The following IRF4 variants were observed in gnomAD, a reference collection of about 807,000 sequenced individuals.
IRF4 encodes the protein lymphocyte-specific interferon regulatory factor.
A neutral mutation model predicts 55.5 loss-of-function variants in IRF4; 13 were observed. The ratio of observed to expected loss-of-function variants is 0.23; its 90% CI spans 0.15 to 0.37. The LOEUF is 0.37. Among genes scored for constraint, IRF4 ranks in the 10% least tolerant of loss-of-function variants. The probability of loss-of-function intolerance (pLI) is 1.00; values close to 1 mark genes in which losing one functional copy is unlikely to be tolerated. For missense variants in IRF4, 397 were observed against 593.8 expected (o/e 0.67, Z 3.44); for synonymous variants, 249 against 240.7 (o/e 1.03, Z -0.32).
intron 7 of IRF4, 133 bp downstream of exon 7, chr6:401,910 G>T: frequency 1.4e-6 from 1 of 709,450 alleles, no homozygotes; most frequent in East Asian, 2.7e-5. Context: ...CTGGGCTTGG[G>T]GCTTGACTCC....
In IRF4 at chr6:408,757, C is replaced by T. The variant is rs1228659948; in HGVS notation, c.*1159C>T. ...ACACTAAAGGAGGAGGAGCCGGGGA[C>T]TCCCAGGCTGGAGAGCACTGCCAGG... On this transcript the variant is annotated 3_prime_UTR_variant, in exon 9 of 9. Coordinates refer to ENST00000380956, the MANE Select transcript of IRF4 (RefSeq NM_002460.4). The T allele has an allele frequency of 1.7e-5, 4 of 232,710 alleles. No individual in the cohort carries two copies. Among genetic ancestry groups the T allele is most frequent in the Non-Finnish European group, 2.5e-5 (3 of 117,696 alleles). 14.4% of individuals were successfully genotyped at this position (232,710 alleles called of 1,614,324 possible).
At chr6:392,193 C>G (rs1050160506) in intron 1 of IRF4, among the ~76,000 whole-genome samples, 1 of 152,250 alleles carries the variant, frequency 6.6e-6, no homozygotes, top group Non-Finnish European at 1.5e-5. Flanking sequence ...GCCCTGTGGA[C>G]CCCAATCCGA....
chr6:411,105 A>T lies in IRF4; in HGVS notation c.*3507A>T, dbSNP rs45580432. The T allele has an allele frequency of 0.023, 5,262 of 233,252 alleles. 84 individuals carry two copies. The highest frequency in any genetic ancestry group is 0.044 in the African/African-American group (2,010 of 45,422). The allele number at this position is 233,252 out of a possible 1,614,324, so 14.4% of individuals were successfully genotyped here. A position where few individuals can be genotyped will look rare whatever the true frequency, so the allele number is the denominator to read the frequency against. ...AGGCCGGCAGGCCAACCCTCCTCCA[A>T]TGGAAATTCCCGTGTTGCTTCAAAC... On this transcript the variant is annotated 3_prime_UTR_variant, in exon 9 of 9. Transcript: ENST00000380956.
At chr6:395,263 T>A (rs1761223373) in intron 3 of IRF4, among the ~76,000 whole-genome samples, 1 of 151,822 alleles carries the variant, frequency 6.6e-6, no homozygotes, top group Non-Finnish European at 1.5e-5. Flanking sequence ...TGAATATGTG[T>A]TTTCCAGTTA....
intron 2 of IRF4, 41 bp from the exon 3 acceptor site, chr6:394,780 A>G: frequency 1.9e-6 from 3 of 1,569,102 alleles, no homozygotes; most frequent in Non-Finnish European, 2.6e-6. Flanking sequence ...TAAACCAGAC[A>G]TGTATTTTGA....
In IRF4 at chr6:393,896, C is replaced by A. The variant is rs757588380; in HGVS notation, c.216+528C>A. Among the ~76,000 whole-genome samples, 1 of 152,212 alleles carries A rather than the reference C, an allele frequency of 6.6e-6. No individual in the cohort carries two copies. The highest frequency in any genetic ancestry group is 1.5e-5 in the Non-Finnish European group (1 of 68,024). ...CTCTCTTCTCGCTCCTGCTAGCTCT[C>A]TGCGGGTACTCCCACCTCTGTCTTT... On this transcript the variant is annotated intron_variant, in intron 2 of 8. Coordinates refer to ENST00000380956, the MANE Select transcript of IRF4 (RefSeq NM_002460.4). The surrounding 1 kb of genome is among the most constrained non-coding windows in gnomAD (Gnocchi z 5.4).
chr6:397,384 G>A (rs1761293180), intron 5 of IRF4, 132 bp downstream of exon 5: 6 of 1,066,592 alleles, frequency 5.6e-6, no homozygotes, highest in Non-Finnish European at 2.7e-6. Context: ...TGCAGCTCGG[G>A]GAGAGGGGGG....
chr6:401,428 C>T lies in IRF4; in HGVS notation c.750C>T (p.Cys250=). The change falls in exon 7 of 9, where the codon TGC becomes TGT. Residue 250 remains cysteine (C), a synonymous_variant. Transcript: ENST00000380956. Reference sequence around the variant, plus strand: ...TCCGGAGCTCTGTGTTTGCAGACTGCCGGCTGCACATCTGCCTGTACTACC... The same window carrying T: ...TCCGGAGCTCTGTGTTTGCAGACTGTCGGCTGCACATCTGCCTGTACTACC... ...RSAEALAFSD[C]RLHICLYYRE... The T allele has an allele frequency of 6.2e-7, 1 of 1,610,760 alleles. No homozygotes were observed.
rs777887395 is a variant in IRF4 at position 395,036 on chromosome 6, TA to T, written c.403+31del. The stretch of plus-strand genomic sequence containing the variant: ...GGGGCTCTCCTGAATTTGGGTCACC[TA>T]ACAGAGGCAGCCAGATCCTTGAGGC... On this transcript the variant is annotated intron_variant, in intron 3 of 8. Coordinates refer to ENST00000380956, the MANE Select transcript of IRF4 (RefSeq NM_002460.4). 40 of 1,538,706 alleles carry T rather than the reference TA, an allele frequency of 2.6e-5. No homozygotes were observed. In the East Asian group the frequency reaches 9.4e-4, roughly 36 times the overall value.
chr6:395,967 C>A, intron 4 of IRF4, 32 bp downstream of exon 4: 1 of 1,561,458 alleles, frequency 6.4e-7, no homozygotes, highest in Non-Finnish European at 8.8e-7. Context: ...TCCCTGAGGG[C>A]GAGGCTGTGT....
At chr6:399,853 C>G (rs754779129) in intron 6 of IRF4, among the ~76,000 whole-genome samples, 1 of 151,996 alleles carries the variant, frequency 6.6e-6, no homozygotes, top group African/African-American at 2.4e-5. Flanking sequence ...CTGAGGTGCT[C>G]GTGAGTAACT....
chr6:406,836 T>A (rs888792180), intron 8 of IRF4: 10 of 1,172,046 alleles, frequency 8.5e-6, no homozygotes, highest in Non-Finnish European at 1.1e-5. Flanking sequence ...ATGGAGAGCA[T>A]TCAGCTTGCC....
intron 7 of IRF4, among the ~76,000 whole-genome samples, chr6:402,150 G>T (rs1380924989): frequency 2.0e-5 from 3 of 152,158 alleles, no homozygotes; most frequent in Non-Finnish European, 4.4e-5. Flanking sequence ...TAACATTCTT[G>T]GTTGTCAGGT....
At chr6:406,281 C>T (rs190839630) in intron 8 of IRF4, among the ~76,000 whole-genome samples, 3 of 152,322 alleles carry the variant, frequency 2.0e-5, no homozygotes, top group Admixed American at 6.5e-5. Context: ...CAGTGGCTCA[C>T]GCCTGTAATC....
intron 6 of IRF4, among the ~76,000 whole-genome samples, chr6:401,159 T>C (rs1761386447): frequency 6.6e-6 from 1 of 152,228 alleles, no homozygotes; most frequent in Non-Finnish European, 1.5e-5. Flanking sequence ...CATACGTTTG[T>C]AATATGCTGG....
At chr6:395,975 T>G in intron 4 of IRF4, 40 bp downstream of exon 4, 3 of 1,516,188 alleles carry the variant, frequency 2.0e-6, no homozygotes, top group Non-Finnish European at 2.7e-6. Context: ...GGCGAGGCTG[T>G]GTGGGCCAGC....
chr6:400,974 T>C (rs1761381048), intron 6 of IRF4, among the ~76,000 whole-genome samples: 1 of 152,202 alleles, frequency 6.6e-6, no homozygotes, highest in Non-Finnish European at 1.5e-5. Context: ...TGCTTAAAGA[T>C]GAATTTTCAT....
At chr6:406,625 T>G (rs60984913) in intron 8 of IRF4, 4,454 of 198,128 alleles carry the variant, frequency 0.022, 62 homozygotes, top group African/African-American at 0.044. Context: ...TGCAAGTCAC[T>G]GTCCTCTAAG....
rs2127440205 is a variant in IRF4, at chr6:401,673, G to A, written c.995G>A (p.Ser332Asn). The change falls in exon 7 of 9, where the codon AGC becomes AAC. Residue 332 changes from serine to asparagine, a missense_variant. Physicochemically the swap from Ser to Asn is conservative, Grantham distance 46. Transcript: ENST00000380956. Reference protein sequence around the residue: ...DGLYAKRLCQSRIYWDGPLAL... With the variant: ...DGLYAKRLCQNRIYWDGPLAL... ...CTCTATGCGAAAAGACTGTGCCAGA[G>A]CAGGATCTACTGGGACGGGCCCCTG... The A allele has an allele frequency of 6.2e-7, 1 of 1,614,244 alleles. No homozygotes were observed. The highest frequency in any genetic ancestry group is 8.5e-7 in the Non-Finnish European group (1 of 1,180,052).
Sources: gnomAD v4.1 joint callset for allele counts (sites outside exome capture counted in the v4.1 genomes callset) on GRCh38, gnomAD v4.1.1 for gene constraint, Gnocchi (gnomAD v3.1) non-coding constraint, MANE v1.5 for transcripts, NCBI Gene and HGNC (gene_info 2026-07-23, HGNC 2026-07-21) for gene names.